Variants in SLIT1 observed in about 807,000 individuals in gnomAD.
The protein encoded by SLIT1 is slit guidance ligand 1.
SLIT1 carries 66 observed loss-of-function variants against 186.1 expected under a neutral mutation model. The observed-to-expected ratio is 0.35, with a 90% CI of 0.29 to 0.44. SLIT1 has a LOEUF of 0.44. Among genes scored for constraint, SLIT1 ranks in the 20% least tolerant of loss-of-function variants. SLIT1 has a pLI of 1.00. For missense variants in SLIT1, 1,638 were observed against 2,037.4 expected (o/e 0.80, Z 3.77); for synonymous variants, 761 against 833.8 (o/e 0.91, Z 1.50).
chr10:97,092,565 G>A (rs889706736), intron 4 of SLIT1, among the ~76,000 whole-genome samples: 1 of 152,192 alleles, frequency 6.6e-6, no homozygotes, highest in Non-Finnish European at 1.5e-5. Context: ...GAGCAGCCAA[G>A]GTCCAGAGGG....
intron 4 of SLIT1, among the ~76,000 whole-genome samples, chr10:97,138,432 G>C (rs1006479226): frequency 6.6e-6 from 1 of 152,218 alleles, no homozygotes; most frequent in African/African-American, 2.4e-5. Flanking sequence ...CGGTCACCAC[G>C]GTCTGTGGTC....
intron 1 of SLIT1, among the ~76,000 whole-genome samples, chr10:97,174,505 G>T (rs1303567416): frequency 6.6e-6 from 1 of 152,202 alleles, no homozygotes; most frequent in African/African-American, 2.4e-5. Flanking sequence ...ACTCCAGCCT[G>T]GGACCACCCT....
intron 1 of SLIT1, among the ~76,000 whole-genome samples, chr10:97,165,508 G>A (rs1850092843): frequency 6.6e-6 from 1 of 152,156 alleles, no homozygotes; most frequent in Non-Finnish European, 1.5e-5. Context: ...CACACGACGG[G>A]GAGGGAGCAG....
At chr10:97,077,800 AT>A (rs949331060) in intron 4 of SLIT1, among the ~76,000 whole-genome samples, 1 of 151,938 alleles carries the variant, frequency 6.6e-6, no homozygotes, top group African/African-American at 2.4e-5. Flanking sequence ...AGGTCTGGAG[AT>A]TTTTTTTCAA....
intron 20 of SLIT1, among the ~76,000 whole-genome samples, chr10:97,042,396 C>T (rs563771638): frequency 1.3e-4 from 20 of 151,762 alleles, no homozygotes; most frequent in Non-Finnish European, 1.8e-4. Context: ...GGTGCTGTGG[C>T]GAAAAAATGA....
rs369218203 is a variant in SLIT1, at chr10:97,127,163, CG to C, written c.413+30654del. Among the ~76,000 whole-genome samples the C allele has an allele frequency of 2.3e-3, 354 of 151,822 alleles. 1 individual carries two copies. The highest frequency in any genetic ancestry group is 5.9e-3 in the African/African-American group (243 of 41,412). Reference sequence around the variant, plus strand: ...AAAAAAAATTAGCCGGGCATGGTGGCGGGCGCCTGTAATCCCAGCTACTGAG... The same window carrying C: ...AAAAAAAATTAGCCGGGCATGGTGGCGGCGCCTGTAATCCCAGCTACTGAG... On this transcript the variant is annotated intron_variant, in intron 4 of 36. Transcript: ENST00000266058.
At chr10:97,127,240 C>T (rs1201110021) in intron 4 of SLIT1, among the ~76,000 whole-genome samples, 1 of 151,536 alleles carries the variant, frequency 6.6e-6, no homozygotes, top group Non-Finnish European at 1.5e-5. Context: ...GAGCCGAGAT[C>T]ACGCCATTGC....
intron 22 of SLIT1, among the ~76,000 whole-genome samples, chr10:97,035,088 T>C (rs1848626505): frequency 6.6e-6 from 1 of 151,982 alleles, no homozygotes; most frequent in Admixed American, 6.6e-5. Flanking sequence ...CCATGGCCTC[T>C]CCGAGTCACC....
chr10:97,005,302 C>CT (rs1000361410), intron 32 of SLIT1, among the ~76,000 whole-genome samples: 7 of 152,342 alleles, frequency 4.6e-5, no homozygotes, highest in African/African-American at 1.7e-4. Context: ...AAGGTAGTGT[C>CT]TGTCGCTGGA....
intron 20 of SLIT1, among the ~76,000 whole-genome samples, chr10:97,042,037 T>A (rs1848694704): frequency 6.6e-6 from 1 of 152,080 alleles, no homozygotes; most frequent in South Asian, 2.1e-4. Flanking sequence ...GACTCTTTTT[T>A]AAATTTTAGA....
At chr10:97,142,996 G>A (rs1475627356) in intron 4 of SLIT1, among the ~76,000 whole-genome samples, 6 of 152,226 alleles carry the variant, frequency 3.9e-5, no homozygotes, top group Admixed American at 3.9e-4. Flanking sequence ...TGTTGGCAAG[G>A]ATGTGGAGAA....
intron 4 of SLIT1, among the ~76,000 whole-genome samples, chr10:97,109,686 G>A (rs143460116): frequency 3.2e-4 from 49 of 152,344 alleles, no homozygotes; most frequent in African/African-American, 9.6e-4. Context: ...TGGAGTGGCA[G>A]GTGCACAGAG....
intron 2 of SLIT1, 75 bp from the exon 3 acceptor site, chr10:97,163,526 G>A (rs749933791): frequency 1.7e-5 from 22 of 1,296,368 alleles, no homozygotes; most frequent in Non-Finnish European, 2.5e-5. Context: ...CACAACGGCG[G>A]GGCAGAGGCA....
In SLIT1 at chr10:97,083,888, G is replaced by C. The variant is rs762697158; in HGVS notation, c.414-17802C>G. Among the ~76,000 whole-genome samples, 9 of 152,286 alleles carry C rather than the reference G, an allele frequency of 5.9e-5. No individual in the cohort carries two copies. In the South Asian group the frequency reaches 1.9e-3, roughly 32 times the overall value. On this transcript the variant is annotated intron_variant, in intron 4 of 36. Transcript: ENST00000266058. The stretch of plus-strand genomic sequence containing the variant: ...GAGGTCTCCGAGAATGAAGAGTGTG[G>C]TGGGAGCAGCTTGGAGGGGGGATCC...
At chr10:97,103,927 G>C (rs767796557) in intron 4 of SLIT1, among the ~76,000 whole-genome samples, 1 of 152,174 alleles carries the variant, frequency 6.6e-6, no homozygotes, top group African/African-American at 2.4e-5. Context: ...CCCACGGCGG[G>C]AGTGCAGACT....
Position 97,004,821 on chromosome 10 carries a change from G to C in SLIT1, c.3582C>G (p.Val1194=). The change falls in exon 33 of 37, where the codon GTC becomes GTG. Residue 1194 remains valine (V), a splice_region_variant and synonymous_variant. Coordinates refer to ENST00000266058, the MANE Select transcript of SLIT1 (RefSeq NM_003061.3). This position sits in a 1 kb window ranked among gnomAD's most constrained non-coding sequence, Gnocchi z 5.1. The part of the protein sequence containing the change: ...NWPRANITLQ[V]STAEDNGILL... Reference sequence around the variant, plus strand: ...GGATCCCATTGTCCTCTGCCGTGGAGACCTGATGGGCAGTGGCACTTTCTC... The same window carrying C: ...GGATCCCATTGTCCTCTGCCGTGGACACCTGATGGGCAGTGGCACTTTCTC... 2 of 1,614,158 alleles carry C rather than the reference G, an allele frequency of 1.2e-6. No individual in the cohort carries two copies. Among genetic ancestry groups the C allele is most frequent in the Non-Finnish European group, 1.7e-6 (2 of 1,180,014 alleles).
intron 4 of SLIT1, among the ~76,000 whole-genome samples, chr10:97,073,512 G>A (rs569695675): frequency 1.3e-5 from 2 of 152,334 alleles, no homozygotes; most frequent in South Asian, 4.1e-4. Context: ...TCAGAAGGAG[G>A]GCAGGGGCAG....
chr10:97,049,802 G>A (rs1285082174), intron 13 of SLIT1, among the ~76,000 whole-genome samples: 3 of 152,254 alleles, frequency 2.0e-5, no homozygotes, highest in Non-Finnish European at 4.4e-5. Context: ...GCCCCTTGCT[G>A]GGGATTCACT....
rs1589365720 is a variant in SLIT1 at position 97,022,285 on chromosome 10, C to T, written c.2583-872G>A. 6.6e-6 allele frequency among the ~76,000 whole-genome samples: 1 copy of T among 152,222 alleles called. No homozygotes were observed. The highest frequency in any genetic ancestry group is 2.1e-4 in the South Asian group (1 of 4,824). On this transcript the variant is annotated intron_variant, in intron 25 of 36. Coordinates refer to ENST00000266058, the MANE Select transcript of SLIT1 (RefSeq NM_003061.3). The surrounding 1 kb of genome is among the most constrained non-coding windows in gnomAD (Gnocchi z 4.2). ...CCGCTGTCTGCCTCCGAAGCCCATG[C>T]TCTTTTATTTTTCTTTGCATTTTTA...
Sources: allele counts gnomAD v4.1 joint callset (sites outside exome capture counted in the v4.1 genomes callset), GRCh38; gene constraint gnomAD v4.1.1; non-coding constraint Gnocchi (gnomAD v3.1); transcripts MANE v1.5; gene names NCBI Gene and HGNC (gene_info 2026-07-23, HGNC 2026-07-21).